The following SLC47A2 variants were observed in gnomAD, a reference collection of about 807,000 sequenced individuals.
The protein encoded by SLC47A2 is solute carrier family 47 member 2, also known as multidrug and toxin extrusion protein 2.
A neutral mutation model predicts 67.7 loss-of-function variants in SLC47A2; 52 were observed. That is an observed-to-expected ratio of 0.77 (90% confidence interval 0.61 to 0.97). The LOEUF (loss-of-function observed/expected upper bound fraction) is 0.97, where lower values mean the gene tolerates loss of function less well. Among genes scored for constraint, SLC47A2 ranks in the 50% least tolerant of loss-of-function variants. The pLI, the probability that SLC47A2 is intolerant of heterozygous loss-of-function variation, is 0.00. For missense variants in SLC47A2, 676 were observed against 712.3 expected (o/e 0.95, Z 0.58); for synonymous variants, 278 against 292.9 (o/e 0.95, Z 0.52).
intron 13 of SLC47A2, among the ~76,000 whole-genome samples, chr17:19,696,296 A>AG (rs59629753): frequency 1.9e-5 from 1 of 51,930 alleles, no homozygotes; most frequent in Non-Finnish European, 3.8e-5. Context: ...ACTAAAATAC[A>AG]AAAAAAAAAA....
chr17:19,681,876 CTG>C (rs917923007), intron 13 of SLC47A2, among the ~76,000 whole-genome samples: 5 of 152,184 alleles, frequency 3.3e-5, no homozygotes, highest in African/African-American at 9.7e-5. Flanking sequence ...ACAGAAGTAA[CTG>C]TGTTTTGAAC....
chr17:19,704,136 T>A lies in SLC47A2; in HGVS notation c.952A>T (p.Met318Leu). ...ACAGTATCCGCAGCCCCCAGAGCCATCCCCACTCGGACACAGACCCCGATG... is the reference window on the plus strand; with the variant it reads ...ACAGTATCCGCAGCCCCCAGAGCCAACCCCACTCGGACACAGACCCCGATG... ...LSIGVCVRVG[M>L]ALGAADTVQA... Residue 318 changes from methionine (M) to leucine (L), a missense_variant, in exon 11 of 17, where the codon ATG becomes TTG. Coordinates refer to ENST00000433844, the MANE Select transcript of SLC47A2 (RefSeq NM_001099646.3). The A allele has an allele frequency of 1.9e-6, 3 of 1,612,186 alleles. No individual in the cohort carries two copies. The highest frequency in any genetic ancestry group is 1.7e-6 in the Non-Finnish European group (2 of 1,179,638).
At chr17:19,698,348 CT>C (rs1222459815) in intron 13 of SLC47A2, among the ~76,000 whole-genome samples, 4 of 151,980 alleles carry the variant, frequency 2.6e-5, no homozygotes, top group Admixed American at 1.3e-4. Context: ...CGTATCAGTA[CT>C]TTTTTTATTA....
intron 7 of SLC47A2, 45 bp downstream of exon 7, chr17:19,708,257 G>A (rs773743806): frequency 6.3e-7 from 1 of 1,598,720 alleles, no homozygotes; most frequent in East Asian, 2.2e-5. Context: ...GGAGAGCTCA[G>A]TGGGCAGTGT....
intron 5 of SLC47A2, among the ~76,000 whole-genome samples, chr17:19,712,153 G>A (rs866732991): frequency 5.3e-5 from 8 of 152,284 alleles, no homozygotes; most frequent in East Asian, 3.9e-4. Context: ...TTGGGAGGCC[G>A]AGGTGGCAGA....
rs183759849 is a variant in SLC47A2, at chr17:19,681,786, G to C, written c.1165-116C>G. The C allele has an allele frequency of 2.5e-5, 32 of 1,295,944 alleles. No individual in the cohort carries two copies. In the Admixed American group the frequency reaches 5.7e-4, roughly 23 times the overall value. The allele number at this position is 1,295,944 out of a possible 1,614,324, so 80.3% of individuals were successfully genotyped here. A position where few individuals can be genotyped will look rare whatever the true frequency, so the allele number is the denominator to read the frequency against. On this transcript the variant is annotated intron_variant, in intron 13 of 16. Transcript: ENST00000433844. Reference sequence around the variant, plus strand: ...GGCATTGCTTCACTGAGTTCTCACAGCACTGGATGGGTGCCCTTATCTCCC... The same window carrying C: ...GGCATTGCTTCACTGAGTTCTCACACCACTGGATGGGTGCCCTTATCTCCC...
rs756084034 is a variant in SLC47A2 at position 19,707,814 on chromosome 17, TG to T, written c.658del (p.Gln220SerfsTer14). ...RGSAYANIISQFAQTVFLLLY... is the reference protein window; with the variant it reads ...RGSAYANIISXFAQTVFLLLY... ...AAGGAGGAAGACGGTCTGTGCAAACTGGGAGATGATGTTGGCATAGGCGGAG... is the reference window on the plus strand; with the variant it reads ...AAGGAGGAAGACGGTCTGTGCAAACTGGAGATGATGTTGGCATAGGCGGAG... On this transcript the variant is annotated frameshift_variant, in exon 8 of 17. Transcript: ENST00000433844. LOFTEE classifies it high-confidence loss of function. 3.1e-6 allele frequency: 5 copies of T among 1,603,932 alleles called. No individual in the cohort carries two copies. The East Asian group carries it at 9.0e-5, about 29-fold the overall frequency.
upstream of SLC47A2, chr17:19,717,991 G>A (rs544952854): frequency 2.0e-5 from 3 of 152,416 alleles, no homozygotes; most frequent in South Asian, 2.1e-4. Context: ...CAAACAGGAG[G>A]AAGTACAGGT....
In SLC47A2 at chr17:19,707,856, G is replaced by A. The variant is rs755093050; in HGVS notation, c.630-13C>T. 9 of 1,576,118 alleles carry A rather than the reference G, an allele frequency of 5.7e-6. No homozygotes were observed. The highest frequency in any genetic ancestry group is 7.7e-6 in the Non-Finnish European group (9 of 1,161,450). On this transcript the variant is annotated splice_polypyrimidine_tract_variant and intron_variant, in intron 7 of 16. Transcript: ENST00000433844. ...ATAGGCGGAGCCCCTGGGTAAGGAG[G>A]GAGAACAGGGCTGCGACTGATGCCA...
At chr17:19,689,473 G>A (rs1444485982) in intron 13 of SLC47A2, among the ~76,000 whole-genome samples, 1 of 152,072 alleles carries the variant, frequency 6.6e-6, no homozygotes, top group Non-Finnish European at 1.5e-5. Context: ...AAGGTGAGTG[G>A]GTCTCTTGAG....
At chr17:19,682,771 G>A (rs188869426) in intron 13 of SLC47A2, among the ~76,000 whole-genome samples, 156 of 152,318 alleles carry the variant, frequency 1.0e-3, no homozygotes, top group African/African-American at 3.5e-3. Context: ...GCAAACAGTG[G>A]TTGTTAGCTT....
intron 13 of SLC47A2, among the ~76,000 whole-genome samples, chr17:19,693,607 C>T (rs1192046000): frequency 9.3e-6 from 1 of 107,120 alleles, no homozygotes; most frequent in African/African-American, 2.8e-5. Context: ...CCCGTCTCTA[C>T]TAAAAATAAT....
At chr17:19,703,472 C>T (rs574918892) in intron 11 of SLC47A2, among the ~76,000 whole-genome samples, 18 of 152,354 alleles carry the variant, frequency 1.2e-4, no homozygotes, top group African/African-American at 4.3e-4. Flanking sequence ...ACCCTGCCTC[C>T]GACCTGCTGA....
At chr17:19,716,822 C>G (rs1234501182), upstream of SLC47A2, 1 of 456,428 alleles carries the variant, frequency 2.2e-6, no homozygotes, top group Non-Finnish European at 3.9e-6. Context: ...TCTGGTCTCC[C>G]AGAGGGATTG....
chr17:19,690,642 T>C (rs553694951), intron 13 of SLC47A2, among the ~76,000 whole-genome samples: 22 of 152,330 alleles, frequency 1.4e-4, no homozygotes, highest in African/African-American at 4.3e-4. Flanking sequence ...GTATAAGATC[T>C]GAATAGGCAT....
intron 11 of SLC47A2, among the ~76,000 whole-genome samples, chr17:19,703,373 G>A (rs1313095981): frequency 2.0e-5 from 3 of 152,210 alleles, no homozygotes; most frequent in African/African-American, 7.2e-5. Flanking sequence ...TGTGGAAAAT[G>A]CTTCCACTCC....
intron 5 of SLC47A2, among the ~76,000 whole-genome samples, chr17:19,712,156 G>T (rs1250567341): frequency 6.6e-6 from 1 of 152,160 alleles, no homozygotes. Context: ...GGAGGCCGAG[G>T]TGGCAGATCA....
At chr17:19,710,461 T>TC (rs1213521310) in intron 5 of SLC47A2, among the ~76,000 whole-genome samples, 1 of 15,932 alleles carries the variant, frequency 6.3e-5, no homozygotes, top group Non-Finnish European at 1.2e-4. Context: ...GGGTTAAGTC[T>TC]TTTTTTTTTA....
At chr17:19,717,606 T>A (rs374943684), upstream of SLC47A2, 1 of 151,918 alleles carries the variant, frequency 6.6e-6, no homozygotes, top group Non-Finnish European at 1.5e-5. Flanking sequence ...TTGGTTCCCA[T>A]GTCCACCCCT....
Sources: gnomAD v4.1 joint callset for allele counts (sites outside exome capture counted in the v4.1 genomes callset) on GRCh38, gnomAD v4.1.1 for gene constraint, MANE v1.5 for transcripts, NCBI Gene and HGNC (gene_info 2026-07-23, HGNC 2026-07-21) for gene names.